The following LRP1B variants were observed in gnomAD, a reference collection of about 807,000 sequenced individuals.
LRP1B encodes the protein low-density lipoprotein receptor-related protein 1B.
A neutral mutation model predicts 556.6 loss-of-function variants in LRP1B; 217 were observed. The observed-to-expected ratio is 0.39, with a 90% CI of 0.35 to 0.44. The LOEUF (loss-of-function observed/expected upper bound fraction) is 0.44, where lower values mean the gene tolerates loss of function less well. LRP1B is among the 20% of genes least tolerant of loss of function. LRP1B has a pLI of 1.00. For missense variants in LRP1B, 5,053 were observed against 5,620.8 expected (o/e 0.90, Z 3.23); for synonymous variants, 2,047 against 1,865.8 (o/e 1.10, Z -2.50).
intron 35 of LRP1B, among the ~76,000 whole-genome samples, chr2:140,744,592 T>C (rs1275481886): frequency 3.3e-5 from 5 of 152,212 alleles, no homozygotes; most frequent in Non-Finnish European, 5.9e-5. Context: ...TCTCAGGGCT[T>C]ACTGTACCTC....
At chr2:140,236,597 T>G (rs1680711345) in intron 89 of LRP1B, among the ~76,000 whole-genome samples, 1 of 150,888 alleles carries the variant, frequency 6.6e-6, no homozygotes, top group African/African-American at 2.4e-5. Context: ...AACTAACAAA[T>G]ATTTTTAAAT....
chr2:140,506,766 T>A (rs375704459), intron 53 of LRP1B, 30 bp downstream of exon 53: 27 of 1,595,270 alleles, frequency 1.7e-5, no homozygotes, highest in Non-Finnish European at 2.3e-5. Flanking sequence ...AGCCTAGGAA[T>A]CTCCTTCATG....
At chr2:141,466,786 C>T (rs1682218802) in intron 3 of LRP1B, among the ~76,000 whole-genome samples, 1 of 151,928 alleles carries the variant, frequency 6.6e-6, no homozygotes, top group South Asian at 2.1e-4. Context: ...ATTGCCTTAC[C>T]TTCAATGGAA....
chr2:141,271,414 G>A (rs539220666), intron 3 of LRP1B, among the ~76,000 whole-genome samples: 1 of 150,456 alleles, frequency 6.6e-6, no homozygotes, highest in East Asian at 1.9e-4. Flanking sequence ...GTCCAAGTAG[G>A]ATAAACACAA....
rs766729844 is a variant in LRP1B, at chr2:140,755,150, A to G, written c.5758+14063T>C. ...AATGAAACATATGAACAGATCTATAACAATTAAAGAAATTGAATTGTAAAT... is the reference window on the plus strand; with the variant it reads ...AATGAAACATATGAACAGATCTATAGCAATTAAAGAAATTGAATTGTAAAT... On this transcript the variant is annotated intron_variant, in intron 35 of 90. Coordinates refer to ENST00000389484, the MANE Select transcript of LRP1B (RefSeq NM_018557.3). Among the ~76,000 whole-genome samples, 4 of 152,116 alleles carry G rather than the reference A, an allele frequency of 2.6e-5. No individual in the cohort carries two copies. The South Asian group carries it at 8.3e-4, about 32-fold the overall frequency.
chr2:140,297,825 C>T lies in LRP1B; in HGVS notation c.12950G>A (p.Gly4317Glu), dbSNP rs2105000483. The change falls in exon 84 of 91, where the codon GGA becomes GAA. Residue 4317 changes from glycine (G) to glutamate (E), a missense_variant. Coordinates refer to ENST00000389484, the MANE Select transcript of LRP1B (RefSeq NM_018557.3). ...TTACTTACAGTACTGACATCTGTCT[C>T]CGGTGTATTCCGGCTGGCAGTGGCA... is the stretch of plus-strand genomic sequence containing the variant. ...PYCHCQPEYT[G>E]DRCQYYVCHH... The T allele has an allele frequency of 1.2e-6, 2 of 1,613,504 alleles. No individual in the cohort carries two copies. The highest frequency in any genetic ancestry group is 1.7e-6 in the Non-Finnish European group (2 of 1,179,796).
At chr2:141,018,031 C>T (rs1330530293) in intron 12 of LRP1B, among the ~76,000 whole-genome samples, 5 of 149,896 alleles carry the variant, frequency 3.3e-5, no homozygotes, top group Non-Finnish European at 1.5e-5. Context: ...GAAAGCTTTA[C>T]AATCAATACC....
At chr2:141,622,920 G>A (rs1688556295) in intron 2 of LRP1B, among the ~76,000 whole-genome samples, 1 of 152,084 alleles carries the variant, frequency 6.6e-6, no homozygotes, top group Non-Finnish European at 1.5e-5. Flanking sequence ...CCCAACCCCT[G>A]CCACCTTTAA....
At chr2:141,229,560 T>C (rs1683381680) in intron 5 of LRP1B, 120 bp from the exon 6 acceptor site, 1 of 788,146 alleles carries the variant, frequency 1.3e-6, no homozygotes, top group African/African-American at 1.8e-5. Flanking sequence ...AAAAATTTTC[T>C]TATAAAAAAA....
rs1385706427 is a variant in LRP1B, at chr2:140,514,739, G to C, written c.8183C>G (p.Ser2728Cys). 1 of 1,610,608 alleles carries C rather than the reference G, an allele frequency of 6.2e-7. No individual in the cohort carries two copies. The highest frequency in any genetic ancestry group is 1.3e-5 in the African/African-American group (1 of 74,600). Residue 2728 changes from serine to cysteine, a missense_variant, in exon 51 of 91, where the codon TCC (serine) becomes TGC (cysteine). Ser to Cys is a moderately radical substitution (Grantham distance 112). Transcript: ENST00000389484. ...SSCSWNQFAC[S>C]AQKCISKHWI... The stretch of plus-strand genomic sequence containing the variant: ...ATGCTTAGAAATACATTTTTGTGCG[G>C]AACAAGCAAATTGGTTCCAAGAGCA...
intron 2 of LRP1B, among the ~76,000 whole-genome samples, chr2:141,650,424 AG>A (rs954629560): frequency 5.3e-5 from 8 of 152,112 alleles, no homozygotes; most frequent in Non-Finnish European, 1.0e-4. Context: ...AGTTGAGTTG[AG>A]GTATGTTAAA....
chr2:140,600,336 C>T (rs1682605073), intron 42 of LRP1B, among the ~76,000 whole-genome samples: 1 of 152,032 alleles, frequency 6.6e-6, no homozygotes, highest in South Asian at 2.1e-4. Flanking sequence ...GAGCAGTCTC[C>T]CAAGCTCCAT....
At chr2:140,256,234 C>G (rs1234660824) in intron 86 of LRP1B, among the ~76,000 whole-genome samples, 1 of 151,846 alleles carries the variant, frequency 6.6e-6, no homozygotes. Context: ...AGGCTCCTCT[C>G]CTTACAAAGA....
intron 2 of LRP1B, among the ~76,000 whole-genome samples, chr2:141,681,148 C>A (rs1044049538): frequency 1.3e-5 from 2 of 151,982 alleles, no homozygotes; most frequent in Admixed American, 6.6e-5. Context: ...AAAAAGTTAT[C>A]CAGGTGTGGT....
intron 11 of LRP1B, among the ~76,000 whole-genome samples, chr2:141,033,322 A>G (rs895944974): frequency 6.6e-6 from 1 of 151,988 alleles, no homozygotes; most frequent in African/African-American, 2.4e-5. Flanking sequence ...GGACGTGGTG[A>G]GCGCTAAGAA....
At chr2:140,604,332 T>C (rs931184437) in intron 41 of LRP1B, among the ~76,000 whole-genome samples, 2 of 151,224 alleles carry the variant, frequency 1.3e-5, no homozygotes, top group Non-Finnish European at 2.9e-5. Context: ...GCAGAAGAAA[T>C]AAGGGGAGGT....
chr2:140,524,075 G>C (rs947817934), intron 49 of LRP1B, among the ~76,000 whole-genome samples: 4 of 151,358 alleles, frequency 2.6e-5, no homozygotes, highest in African/African-American at 7.3e-5. Context: ...TATGTATCTG[G>C]CAAAGAAAAA....
intron 2 of LRP1B, among the ~76,000 whole-genome samples, chr2:141,588,071 TGTAA>T (rs1574110286): frequency 1.3e-5 from 2 of 151,988 alleles, no homozygotes; most frequent in South Asian, 4.1e-4. Flanking sequence ...AGTTTTGCCA[TGTAA>T]GTATTTGCTA....
At chr2:141,665,546 T>C (rs771383677) in intron 2 of LRP1B, among the ~76,000 whole-genome samples, 1 of 152,164 alleles carries the variant, frequency 6.6e-6, no homozygotes, top group Non-Finnish European at 1.5e-5. Flanking sequence ...GAACCAGAAA[T>C]ACCATTTGAC....
Sources: gnomAD v4.1 joint callset for allele counts (sites outside exome capture counted in the v4.1 genomes callset) on GRCh38, gnomAD v4.1.1 for gene constraint, MANE v1.5 for transcripts, NCBI Gene and HGNC (gene_info 2026-07-23, HGNC 2026-07-21) for gene names.